The following TNS3 variants were observed in gnomAD, a reference collection of about 807,000 sequenced individuals.
TNS3 encodes tensin 3, also known as tensin-3.
Under a neutral mutation model 140.9 loss-of-function variants are expected in TNS3, and 45 were observed. The ratio of observed to expected loss-of-function variants is 0.32; its 90% confidence interval spans 0.25 to 0.41. The LOEUF is 0.41. TNS3 is among the 10% of genes least tolerant of loss of function. The probability of loss-of-function intolerance (pLI) is 1.00; values close to 1 mark genes in which losing one functional copy is unlikely to be tolerated. For missense variants in TNS3, 1,716 were observed against 1,906.7 expected, an observed-to-expected ratio of 0.90 and a Z score of 1.86; for synonymous variants, 815 against 788.4, an observed-to-expected ratio of 1.03 and a Z score of -0.56.
chr7:47,326,576 G>A (rs1239273991), intron 20 of TNS3, among the ~76,000 whole-genome samples: 1 of 151,934 alleles, frequency 6.6e-6, no homozygotes, highest in Non-Finnish European at 1.5e-5. Flanking sequence ...GACAGCACCA[G>A]GCTCCCCACG....
chr7:47,280,120 A>C (rs1263192441), intron 30 of TNS3, 44 bp downstream of exon 30: 2 of 1,611,930 alleles, frequency 1.2e-6, no homozygotes, highest in East Asian at 4.5e-5. Context: ...TTTGGAGTAC[A>C]ACTGCAGACA....
intron 30 of TNS3, chr7:47,279,383 G>A (rs903531620): frequency 6.6e-6 from 1 of 152,352 alleles, no homozygotes; most frequent in African/African-American, 2.4e-5. Context: ...GGTACTCAGG[G>A]AGCCAGGGAA....
intron 24 of TNS3, among the ~76,000 whole-genome samples, chr7:47,294,960 C>T (rs977939832): frequency 6.6e-5 from 10 of 152,140 alleles, no homozygotes; most frequent in East Asian, 5.8e-4. Flanking sequence ...GCATCCAGAA[C>T]GTCCCTAGCT....
At chr7:47,481,355 T>A (rs1408427108) in intron 3 of TNS3, 1 of 348,166 alleles carries the variant, frequency 2.9e-6, no homozygotes, top group Non-Finnish European at 5.4e-6. Context: ...GCTAATGTCA[T>A]GGAAACCATG....
intron 4 of TNS3, among the ~76,000 whole-genome samples, chr7:47,467,406 T>C (rs1421504245): frequency 6.6e-6 from 1 of 152,230 alleles, no homozygotes; most frequent in Non-Finnish European, 1.5e-5. Flanking sequence ...CGGCAGGGAC[T>C]TTTTTCTTTT....
At chr7:47,318,031 A>G (rs1787510795) in intron 20 of TNS3, among the ~76,000 whole-genome samples, 1 of 152,120 alleles carries the variant, frequency 6.6e-6, no homozygotes, top group Non-Finnish European at 1.5e-5. Flanking sequence ...TTCGTACACC[A>G]ACTATCTCCA....
At chr7:47,571,445 C>T (rs1039265045) in intron 1 of TNS3, among the ~76,000 whole-genome samples, 1 of 152,258 alleles carries the variant, frequency 6.6e-6, no homozygotes, top group African/African-American at 2.4e-5. Flanking sequence ...TGCACCCACG[C>T]TGGGGACTTC....
intron 20 of TNS3, among the ~76,000 whole-genome samples, chr7:47,334,472 G>A (rs1425113194): frequency 6.6e-6 from 1 of 152,116 alleles, no homozygotes; most frequent in African/African-American, 2.4e-5. Context: ...AGGGGCGATG[G>A]TCTCATGACT....
chr7:47,481,636 A>G, intron 3 of TNS3: 1 of 983,950 alleles, frequency 1.0e-6, no homozygotes, highest in Non-Finnish European at 1.2e-6. Context: ...GAAGAGTCTG[A>G]ATGTGGCAAT....
chr7:47,424,113 G>A lies in TNS3; in HGVS notation c.461C>T (p.Pro154Leu). The A allele has an allele frequency of 6.2e-7, 1 of 1,614,160 alleles. No individual in the cohort carries two copies. Among genetic ancestry groups the A allele is most frequent in the Non-Finnish European group, 8.5e-7 (1 of 1,180,022 alleles). Residue 154 changes from proline to leucine, a missense_variant, in exon 10 of 31, where the codon CCT becomes CTT. By Grantham distance (98) the Pro-to-Leu change is moderately conservative. Coordinates refer to ENST00000311160, the MANE Select transcript of TNS3 (RefSeq NM_022748.12). ...YDDKVSALMQPSQKRYVQFLS... is the reference protein window; with the variant it reads ...YDDKVSALMQLSQKRYVQFLS... ...GATCTATACATACCGTTTTTGGGAAGGCTGCATTAAAGCTGAAACTTTGTC... is the reference window on the plus strand; with the variant it reads ...GATCTATACATACCGTTTTTGGGAAAGCTGCATTAAAGCTGAAACTTTGTC...
chr7:47,539,190 C>A, intron 1 of TNS3: 1 of 454,026 alleles, frequency 2.2e-6, no homozygotes, highest in Non-Finnish European at 4.4e-6. Context: ...CTGGGGTCCA[C>A]CCAGGAACAA....
chr7:47,333,292 T>A (rs1017461662), intron 20 of TNS3, among the ~76,000 whole-genome samples: 1 of 152,124 alleles, frequency 6.6e-6, no homozygotes, highest in Non-Finnish European at 1.5e-5. Flanking sequence ...GGGGCAGGGG[T>A]TGGAGGAGGC....
At chr7:47,523,292 C>A (rs1321708540) in intron 2 of TNS3, among the ~76,000 whole-genome samples, 2 of 152,178 alleles carry the variant, frequency 1.3e-5, no homozygotes, top group Non-Finnish European at 2.9e-5. Flanking sequence ...ATGCCACCAT[C>A]CCATGGAGGG....
intron 17 of TNS3, among the ~76,000 whole-genome samples, chr7:47,356,844 AG>A (rs1233015529): frequency 6.6e-6 from 1 of 151,724 alleles, no homozygotes; most frequent in Non-Finnish European, 1.5e-5. Context: ...TGAGAGACTG[AG>A]GAGGGTGGAT....
intron 27 of TNS3, among the ~76,000 whole-genome samples, chr7:47,286,135 C>G (rs2150573076): frequency 6.6e-6 from 1 of 152,270 alleles, no homozygotes; most frequent in South Asian, 2.1e-4. Flanking sequence ...TTTGACCTAA[C>G]TACTAGGAAA....
At chr7:47,352,112 C>A (rs1357812082) in intron 17 of TNS3, among the ~76,000 whole-genome samples, 1 of 97,838 alleles carries the variant, frequency 1.0e-5, no homozygotes, top group Non-Finnish European at 2.4e-5. Context: ...ACTTCACACT[C>A]TTAGTCTCTC....
chr7:47,552,250 A>G (rs1800084173), intron 1 of TNS3, among the ~76,000 whole-genome samples: 1 of 152,202 alleles, frequency 6.6e-6, no homozygotes, highest in African/African-American at 2.4e-5. Flanking sequence ...AGCCGTCTAG[A>G]GCTTGGCACA....
At chr7:47,392,183 C>T (rs1364122867) in intron 16 of TNS3, among the ~76,000 whole-genome samples, 1 of 136,164 alleles carries the variant, frequency 7.3e-6, no homozygotes, top group Admixed American at 7.1e-5. Context: ...ACACGACTGC[C>T]GTCCCCCGCA....
intron 3 of TNS3, among the ~76,000 whole-genome samples, chr7:47,499,068 G>A (rs1798119089): frequency 6.6e-6 from 1 of 152,232 alleles, no homozygotes. Context: ...TAGGGATTTA[G>A]AAACCTTAAT....
Sources: gnomAD v4.1 joint callset for allele counts (sites outside exome capture counted in the v4.1 genomes callset) on GRCh38, gnomAD v4.1.1 for gene constraint, MANE v1.5 for transcripts, NCBI Gene and HGNC (gene_info 2026-07-23, HGNC 2026-07-21) for gene names.